Variants in SLC8A3 observed in about 807,000 individuals in gnomAD.
SLC8A3 encodes sodium/calcium exchanger 3.
SLC8A3 carries 37 observed loss-of-function variants against 65.4 expected under a neutral mutation model. That is an observed-to-expected ratio of 0.57 (90% CI 0.44 to 0.74). SLC8A3 has a LOEUF of 0.74. SLC8A3 is among the 30% of genes least tolerant of loss of function. The pLI, the probability that SLC8A3 is intolerant of heterozygous loss-of-function variation, is 0.00. For synonymous variants in SLC8A3, 461 were observed against 444.5 expected (o/e 1.04, Z -0.47); for missense variants, 1,112 against 1,172.1 (o/e 0.95, Z 0.75).
chr14:70,131,487 A>C (rs754693072), intron 2 of SLC8A3, among the ~76,000 whole-genome samples: 3 of 152,220 alleles, frequency 2.0e-5, no homozygotes, highest in Admixed American at 6.5e-5. Context: ...CACAGGGTAT[A>C]CAGCAGGTGT....
intron 2 of SLC8A3, among the ~76,000 whole-genome samples, chr14:70,116,927 A>G (rs973152161): frequency 3.3e-5 from 5 of 152,262 alleles, no homozygotes; most frequent in African/African-American, 1.2e-4. Context: ...TCTGAGTGTG[A>G]TTCTCAGACT....
At chr14:70,053,502 T>C (rs1449167011) in intron 3 of SLC8A3, among the ~76,000 whole-genome samples, 2 of 152,206 alleles carry the variant, frequency 1.3e-5, no homozygotes, top group African/African-American at 2.4e-5. Flanking sequence ...ACAATGCCTA[T>C]CTTAGCAGCG....
chr14:70,141,139 T>G (rs1895545206), intron 2 of SLC8A3, among the ~76,000 whole-genome samples: 1 of 152,240 alleles, frequency 6.6e-6, no homozygotes, highest in Non-Finnish European at 1.5e-5. Context: ...GTGTTTTAAA[T>G]GCATTCTCTC....
chr14:70,045,879 T>C lies in SLC8A3; in HGVS notation c.*68A>G. On this transcript the variant is annotated 3_prime_UTR_variant, in exon 7 of 7. Coordinates refer to ENST00000356921, the MANE Select transcript of SLC8A3 (RefSeq NM_182932.3). The stretch of plus-strand genomic sequence containing the variant: ...GGGCAGTGCAGTCGGGAGAGATCAC[T>C]GGTGGGGAAGTGCCCTTCTCTTAGG... The C allele has an allele frequency of 2.1e-6, 3 of 1,428,804 alleles. No individual in the cohort carries two copies. Among genetic ancestry groups the C allele is most frequent in the Non-Finnish European group, 9.4e-7 (1 of 1,068,744 alleles). 88.5% of individuals were successfully genotyped at this position (1,428,804 alleles called of 1,614,324 possible).
chr14:70,165,363 A>C (rs1312257743), intron 2 of SLC8A3, among the ~76,000 whole-genome samples: 3 of 152,102 alleles, frequency 2.0e-5, no homozygotes, highest in African/African-American at 7.2e-5. Context: ...ACCTCTCCCT[A>C]GCTTCTATGG....
chr14:70,060,974 G>T, intron 2 of SLC8A3, 35 bp from the exon 3 acceptor site: 1 of 989,076 alleles, frequency 1.0e-6, no homozygotes, highest in Non-Finnish European at 1.5e-6. Flanking sequence ...TGTGTCGACT[G>T]GGTCGGTAGA....
chr14:70,173,589 C>A (rs1019002146), intron 1 of SLC8A3, among the ~76,000 whole-genome samples: 6 of 152,216 alleles, frequency 3.9e-5, no homozygotes, highest in Non-Finnish European at 2.9e-5. Flanking sequence ...CCTCCACTTT[C>A]TCCAATGGGA....
At chr14:70,165,804 A>G (rs550329542) in intron 2 of SLC8A3, among the ~76,000 whole-genome samples, 1 of 152,366 alleles carries the variant, frequency 6.6e-6, no homozygotes, top group South Asian at 2.1e-4. Flanking sequence ...GCCCAAGAAG[A>G]GGTACTTCAG....
At chr14:70,133,168 A>G (rs1894962688) in intron 2 of SLC8A3, among the ~76,000 whole-genome samples, 1 of 152,174 alleles carries the variant, frequency 6.6e-6, no homozygotes, top group African/African-American at 2.4e-5. Flanking sequence ...TTGGCTTGGT[A>G]CCTGTAATAA....
intron 3 of SLC8A3, chr14:70,055,789 CT>C: frequency 6.2e-7 from 1 of 1,609,170 alleles, no homozygotes; most frequent in South Asian, 1.1e-5. Context: ...GACAAGACAC[CT>C]CTTACCTGGA....
At chr14:70,142,960 G>A (rs200420623) in intron 2 of SLC8A3, among the ~76,000 whole-genome samples, 5 of 152,246 alleles carry the variant, frequency 3.3e-5, no homozygotes, top group South Asian at 2.1e-4. Context: ...TACTCATTTC[G>A]TTATTTTATT....
At chr14:70,137,786 C>T (rs868300127) in intron 2 of SLC8A3, among the ~76,000 whole-genome samples, 5,513 of 132,220 alleles carry the variant, frequency 0.042, 184 homozygotes, top group Admixed American at 0.063. Flanking sequence ...CTGGTGGTGC[C>T]TTTTTTTTTT....
Position 70,167,938 on chromosome 14 carries a change from G to C in SLC8A3, c.485C>G (p.Ala162Gly). 1 of 1,614,144 alleles carries C rather than the reference G, an allele frequency of 6.2e-7. No individual in the cohort carries two copies. The highest frequency in any genetic ancestry group is 8.5e-7 in the Non-Finnish European group (1 of 1,180,006). The part of the protein sequence containing the change: ...LIEVCGHGFI[A>G]GDLGPSTIVG... ...AATGGTAGAAGGTCCCAGATCACCA[G>C]CAATGAACCCATGACCACACACCTC... The change falls in exon 2 of 7, where the codon GCT becomes GGT. Residue 162 changes from alanine (A) to glycine (G), a missense_variant. Ala to Gly is a moderately conservative substitution (Grantham distance 60). Coordinates refer to ENST00000356921, the MANE Select transcript of SLC8A3 (RefSeq NM_182932.3).
intron 2 of SLC8A3, among the ~76,000 whole-genome samples, chr14:70,124,123 T>G (rs1240983812): frequency 6.6e-6 from 1 of 152,164 alleles, no homozygotes; most frequent in African/African-American, 2.4e-5. Flanking sequence ...AAGAGACCAC[T>G]GAGACAAATC....
At chr14:70,131,220 T>G (rs1337914020) in intron 2 of SLC8A3, among the ~76,000 whole-genome samples, 1 of 149,500 alleles carries the variant, frequency 6.7e-6, no homozygotes, top group Non-Finnish European at 1.5e-5. Context: ...GAGCTTGGAC[T>G]GCAGAAGGCC....
intron 2 of SLC8A3, among the ~76,000 whole-genome samples, chr14:70,124,696 A>T (rs1476470584): frequency 6.6e-6 from 1 of 152,208 alleles, no homozygotes; most frequent in African/African-American, 2.4e-5. Flanking sequence ...TTTAACTCTT[A>T]TTATTGCTCT....
Position 70,188,927 on chromosome 14 carries a change from G to C in SLC8A3, c.-611C>G, listed in dbSNP as rs1422004559. The C allele has an allele frequency of 6.6e-6, 1 of 152,072 alleles. No individual in the cohort carries two copies. The highest frequency in any genetic ancestry group is 1.5e-5 in the Non-Finnish European group (1 of 68,016). The allele number at this position is 152,072 out of a possible 1,614,324, so 9.4% of individuals were successfully genotyped here. On this transcript the variant is annotated 5_prime_UTR_variant, in exon 1 of 7. Transcript: ENST00000356921. ...CCGCGGGAGACGTCTCGGCCTCGCC[G>C]CGCGCAGAGGGGACGCGCGGAGAGG...
chr14:70,166,883 C>A lies in SLC8A3; in HGVS notation c.1540G>T (p.Ala514Ser). 6.2e-7 allele frequency: 1 copy of A among 1,614,092 alleles called. No homozygotes were observed. The highest frequency in any genetic ancestry group is 1.3e-5 in the African/African-American group (1 of 75,030). The change falls in exon 2 of 7, where the codon GCC becomes TCC. Residue 514 changes from alanine (A) to serine (S), a missense_variant. Ala to Ser is a moderately conservative substitution (Grantham distance 99). Coordinates refer to ENST00000356921, the MANE Select transcript of SLC8A3 (RefSeq NM_182932.3). ...NSLPLPRAVLASPCVATVTIL... is the reference protein window; with the variant it reads ...NSLPLPRAVLSSPCVATVTIL... ...GTAACTGTGGCCACACAAGGGGAGG[C>A]TAGGACAGCCCGAGGCAAGGGAAGA...
At chr14:70,144,627 C>CA (rs1472663966) in intron 2 of SLC8A3, among the ~76,000 whole-genome samples, 1 of 56,896 alleles carries the variant, frequency 1.8e-5, no homozygotes, top group Non-Finnish European at 3.4e-5. Flanking sequence ...GAGACTCCAC[C>CA]TAAAAAAAAA....
Sources: allele counts gnomAD v4.1 joint callset (sites outside exome capture counted in the v4.1 genomes callset), GRCh38; gene constraint gnomAD v4.1.1; transcripts MANE v1.5; gene names NCBI Gene and HGNC (gene_info 2026-07-23, HGNC 2026-07-21).